CPB1: variants seen among roughly 807,000 people sequenced by gnomAD.
CPB1 encodes carboxypeptidase B1.
CPB1 carries 53 observed loss-of-function variants against 51.4 expected under a neutral mutation model. The ratio of observed to expected loss-of-function variants is 1.03; its 90% CI spans 0.83 to 1.30. The LOEUF (loss-of-function observed/expected upper bound fraction) is 1.30, where lower values mean the gene tolerates loss of function less well. Among genes scored for constraint, CPB1 ranks in the 50% most tolerant of loss-of-function variants. CPB1 has a pLI of 0.00. For missense variants in CPB1, 494 were observed against 516.2 expected, an observed-to-expected ratio of 0.96 and a Z score of 0.42; for synonymous variants, 189 against 186.9, an observed-to-expected ratio of 1.01 and a Z score of -0.09.
chr3:148,834,472 T>C, intron 2 of CPB1, 26 bp from the exon 3 acceptor site: 1 of 1,606,188 alleles, frequency 6.2e-7, no homozygotes, highest in Non-Finnish European at 8.5e-7. Context: ...ATTATAGGTA[T>C]CCAATATATC....
chr3:148,858,228 A>T (rs1008693816), intron 10 of CPB1, among the ~76,000 whole-genome samples: 1 of 152,162 alleles, frequency 6.6e-6, no homozygotes, highest in African/African-American at 2.4e-5. Context: ...TCCCAAGATG[A>T]TGACACAAAA....
In CPB1 at chr3:148,834,487, C is replaced by T. The variant is rs1712833856; in HGVS notation, c.148-11C>T. On this transcript the variant is annotated splice_polypyrimidine_tract_variant and intron_variant, in intron 2 of 10. Coordinates refer to ENST00000282957, the MANE Select transcript of CPB1 (RefSeq NM_001871.3). ...ATTATAGGTATCCAATATATCTTGT[C>T]CTTTATTCAGATTGACTTCTGGAAG... 2 of 1,611,772 alleles carry T rather than the reference C, an allele frequency of 1.2e-6. No individual in the cohort carries two copies. Among genetic ancestry groups the T allele is most frequent in the Non-Finnish European group, 1.7e-6 (2 of 1,178,284 alleles).
At chr3:148,841,970 A>C (rs1713099977) in intron 6 of CPB1, 46 bp downstream of exon 6, 3 of 1,307,936 alleles carry the variant, frequency 2.3e-6, no homozygotes, top group Middle Eastern at 3.7e-4. Flanking sequence ...GTATGTTTTA[A>C]TTTTCAATTA....
intron 8 of CPB1, 137 bp from the exon 9 acceptor site, chr3:148,845,287 T>C (rs1156531737): frequency 4.7e-6 from 3 of 638,788 alleles, no homozygotes; most frequent in Non-Finnish European, 8.2e-6. Context: ...CTATATAATA[T>C]ATACATAATA....
intron 9 of CPB1, among the ~76,000 whole-genome samples, chr3:148,848,229 A>G (rs1713312911): frequency 1.3e-5 from 2 of 152,206 alleles, no homozygotes; most frequent in Non-Finnish European, 2.9e-5. Context: ...AAATAACAGT[A>G]TTAACAGTTT....
chr3:148,837,275 G>A (rs757131215), intron 3 of CPB1, among the ~76,000 whole-genome samples: 7 of 152,114 alleles, frequency 4.6e-5, no homozygotes, highest in East Asian at 1.9e-4. Context: ...TTTCAGAGGC[G>A]TACAGGAAGG....
At chr3:148,846,797 G>GTGTGTATATATATATATATATA (rs1364486523) in intron 9 of CPB1, among the ~76,000 whole-genome samples, 2 of 50,562 alleles carry the variant, frequency 4.0e-5, no homozygotes, top group African/African-American at 5.6e-5. Context: ...GTGTGCGTGT[G>GTGTGTATATATATATATATATA]TATATATATA....
At chr3:148,845,761 T>C (rs1469144416) in intron 9 of CPB1, 135 bp downstream of exon 9, 7 of 683,674 alleles carry the variant, frequency 1.0e-5, no homozygotes, top group Admixed American at 3.1e-5. Context: ...TTGAAAAACT[T>C]ATTACAGATT....
At chr3:148,842,000 GA>G in intron 6 of CPB1, 76 bp downstream of exon 6, 1 of 1,111,482 alleles carries the variant, frequency 9.0e-7, no homozygotes, top group South Asian at 1.4e-5. Flanking sequence ...AACCTAGAGA[GA>G]ATAATAACAC....
chr3:148,828,032 T>C lies in CPB1; in HGVS notation c.102T>C (p.Asp34=). Residue 34 remains aspartate, a synonymous_variant, in exon 2 of 11, where the codon GAT becomes GAC. Coordinates refer to ENST00000282957, the MANE Select transcript of CPB1 (RefSeq NM_001871.3). ...AGGTGTTCCGTGTTAACGTTGAAGA[T>C]GAAAATCACATTAACATAATCCGCG... The part of the protein sequence containing the change: ...GEKVFRVNVE[D]ENHINIIREL... The C allele has an allele frequency of 6.2e-7, 1 of 1,614,152 alleles. No individual in the cohort carries two copies. The highest frequency in any genetic ancestry group is 2.2e-5 in the East Asian group (1 of 44,886).
intron 10 of CPB1, 190 bp downstream of exon 10, chr3:148,857,731 CT>C (rs1427429675): frequency 2.1e-6 from 1 of 474,162 alleles, no homozygotes; most frequent in East Asian, 3.4e-5. Context: ...ACATAGCAAA[CT>C]TTTCTCTAAA....
intron 6 of CPB1, among the ~76,000 whole-genome samples, chr3:148,842,648 A>G (rs116820679): frequency 7.0e-4 from 106 of 152,366 alleles, no homozygotes; most frequent in African/African-American, 2.5e-3. Context: ...CACAGCAATA[A>G]TCATGTCAGG....
At position 148,845,071 on chromosome 3, in the gene CPB1, C is replaced by T. The variant is rs375695763; in HGVS notation, c.778+304C>T. 1.2e-4 allele frequency among the ~76,000 whole-genome samples: 18 copies of T among 152,102 alleles called. No individual in the cohort carries two copies. In the South Asian group the frequency reaches 3.5e-3, roughly 30 times the overall value. ...CAGCTATTAAATAAATAATTATTTA[C>T]ATAAAATCGTAATGCAATTAAGAAT... On this transcript the variant is annotated intron_variant, in intron 8 of 10. Transcript: ENST00000282957.
chr3:148,845,435 T>C lies in CPB1; in HGVS notation c.790T>C (p.Ser264Pro). The C allele has an allele frequency of 6.2e-7, 1 of 1,613,836 alleles. No individual in the cohort carries two copies. The highest frequency in any genetic ancestry group is 1.1e-5 in the South Asian group (1 of 91,058). The part of the protein sequence containing the change: ...FDAGWCEIGA[S>P]RNPCDETYCG... The stretch of plus-strand genomic sequence containing the variant: ...ATATGTTTTTCCAGAAATTGGAGCC[T>C]CTCGAAACCCCTGTGATGAAACTTA... Residue 264 changes from serine (S) to proline (P), a missense_variant, in exon 9 of 11, where the codon TCT (serine) becomes CCT (proline). By Grantham distance (74) the Ser-to-Pro change is moderately conservative. Transcript: ENST00000282957.
chr3:148,847,223 G>T (rs1713283252), intron 9 of CPB1, among the ~76,000 whole-genome samples: 1 of 151,634 alleles, frequency 6.6e-6, no homozygotes. Flanking sequence ...GTTCCTGGAA[G>T]CTGAGCTACC....
rs1282093103 is a variant in CPB1 at position 148,844,762 on chromosome 3, G to T, written c.773G>T (p.Trp258Leu). The T allele has an allele frequency of 6.2e-7, 1 of 1,613,706 alleles. No individual in the cohort carries two copies. Among genetic ancestry groups the T allele is most frequent in the South Asian group, 1.1e-5 (1 of 91,070 alleles). The change falls in exon 8 of 11, where the codon TGG becomes TTG. Residue 258 changes from tryptophan (W) to leucine (L), a missense_variant. Physicochemically the swap from Trp to Leu is moderately conservative, Grantham distance 61 (BLOSUM62 -2). Coordinates refer to ENST00000282957, the MANE Select transcript of CPB1 (RefSeq NM_001871.3). ...CCCAACAGAAATTTTGATGCTGGTT[G>T]GTGTGGTAAGTATCTGGCTAGCCAT... ...TDPNRNFDAGWCEIGASRNPC... is the reference protein window; with the variant it reads ...TDPNRNFDAGLCEIGASRNPC...
Position 148,834,615 on chromosome 3 carries a change from C to T in CPB1, c.265C>T (p.Gln89Ter), listed in dbSNP as rs1712840563. 1 of 1,607,420 alleles carries T rather than the reference C, an allele frequency of 6.2e-7. No homozygotes were observed. Among genetic ancestry groups the T allele is most frequent in the Non-Finnish European group, 8.5e-7 (1 of 1,174,644 alleles). Residue 89 changes from glutamine (Q) to a stop codon, truncating the protein, a stop_gained, in exon 3 of 11, where the codon CAA becomes TAA. Coordinates refer to ENST00000282957, the MANE Select transcript of CPB1 (RefSeq NM_001871.3). LOFTEE classifies it high-confidence loss of function. ...VENVLKQNEL[Q>*]YKVLISNLRN... is the part of the protein sequence containing the mutation. ...GAATGTTCTAAAGCAGAATGAACTA[C>T]AATACAAGTAAGTTTATGTTTTATA...
At chr3:148,846,797 G>GTGTGTGTGTGTATA (rs1364486523) in intron 9 of CPB1, among the ~76,000 whole-genome samples, 9 of 50,530 alleles carry the variant, frequency 1.8e-4, no homozygotes, top group South Asian at 1.6e-3. Context: ...GTGTGCGTGT[G>GTGTGTGTGTGTATA]TATATATATA....
chr3:148,857,595 A>G (rs1713619582), intron 10 of CPB1, 54 bp downstream of exon 10: 3 of 1,402,184 alleles, frequency 2.1e-6, no homozygotes, highest in African/African-American at 1.4e-5. Context: ...AAAGCCAACG[A>G]AAGGTTCCTG....
Sources: gnomAD v4.1 joint callset for allele counts (sites outside exome capture counted in the v4.1 genomes callset) on GRCh38, gnomAD v4.1.1 for gene constraint, MANE v1.5 for transcripts, NCBI Gene and HGNC (gene_info 2026-07-23, HGNC 2026-07-21) for gene names.